FMR1NB: variants seen among roughly 807,000 people sequenced by gnomAD.
The protein encoded by FMR1NB is FMR1 neighbor, also known as FMR1 neighbor protein.
A neutral mutation model predicts 16.8 loss-of-function variants in FMR1NB; 10 were observed. That is an observed-to-expected ratio of 0.60 (90% CI 0.37 to 1.01). The LOEUF is 1.01. Ranked by LOEUF, FMR1NB falls within the 50% of genes least tolerant of loss-of-function variation. The pLI is 0.01. For missense variants in FMR1NB, 205 were observed against 204.8 expected, an observed-to-expected ratio of 1.00 and a Z score of 0.00; for synonymous variants, 83 against 79.1, an observed-to-expected ratio of 1.05 and a Z score of -0.26.
chrX:147,990,223 C>G (rs888810512), intron 1 of FMR1NB, among the ~76,000 whole-genome samples: 3 of 111,096 alleles, frequency 2.7e-5, no homozygotes, highest in Admixed American at 1.9e-4. Flanking sequence ...TCTGTCACAG[C>G]TTCGCTTGGC....
intron 1 of FMR1NB, among the ~76,000 whole-genome samples, chrX:147,995,482 C>T (rs1557188078): frequency 9.0e-6 from 1 of 111,387 alleles, no homozygotes. Context: ...AGCCACATTG[C>T]CTTTCAAGTT....
At chrX:148,010,685 A>G (rs2044619305) in intron 4 of FMR1NB, among the ~76,000 whole-genome samples, 1 of 111,887 alleles carries the variant, frequency 8.9e-6, no homozygotes, top group Non-Finnish European at 1.9e-5. Context: ...GAAGCCAAAC[A>G]CAATTGTTTG....
At chrX:148,006,321 C>A (rs1005732119) in intron 2 of FMR1NB, among the ~76,000 whole-genome samples, 15 of 111,899 alleles carry the variant, frequency 1.3e-4, no homozygotes, top group African/African-American at 4.9e-4. Context: ...GGCTTAGTAA[C>A]GTTAAGCCGG....
intron 1 of FMR1NB, among the ~76,000 whole-genome samples, chrX:148,002,069 G>T (rs1042489015): frequency 2.1e-4 from 23 of 111,070 alleles, no homozygotes; most frequent in Admixed American, 1.9e-3. Flanking sequence ...TGCCTTTATA[G>T]AGGTAAAAAT....
chrX:148,018,824 G>C (rs946346075), intron 4 of FMR1NB, among the ~76,000 whole-genome samples: 1 of 111,724 alleles, frequency 9.0e-6, no homozygotes, highest in African/African-American at 3.3e-5. Context: ...ATTGACAAAT[G>C]GGATCTAATT....
At chrX:148,019,726 G>T (rs900576106) in intron 4 of FMR1NB, among the ~76,000 whole-genome samples, 1 of 112,071 alleles carries the variant, frequency 8.9e-6, no homozygotes, top group Admixed American at 9.4e-5. Context: ...AGAGGCTCTT[G>T]TTCTCTTCCT....
chrX:148,025,119 A>G (rs1346044903), intron 5 of FMR1NB, 106 bp downstream of exon 5: 6 of 909,968 alleles, frequency 6.6e-6, no homozygotes, highest in African/African-American at 2.0e-5. Context: ...TTTTAACCAC[A>G]CAAATGTTTG....
At chrX:148,025,224 T>A (rs1416859753) in intron 5 of FMR1NB, among the ~76,000 whole-genome samples, 1 of 111,183 alleles carries the variant, frequency 9.0e-6, no homozygotes, top group Admixed American at 9.6e-5. Flanking sequence ...TTGTTTTGAG[T>A]GCCACATTAT....
chrX:147,994,933 C>T (rs1394157035), intron 1 of FMR1NB, among the ~76,000 whole-genome samples: 1 of 111,924 alleles, frequency 8.9e-6, no homozygotes, highest in Non-Finnish European at 1.9e-5. Flanking sequence ...AATTATAACC[C>T]CAATACCTTA....
At chrX:148,004,626 A>T (rs1048362598) in intron 2 of FMR1NB, among the ~76,000 whole-genome samples, 1 of 112,176 alleles carries the variant, frequency 8.9e-6, no homozygotes, top group Admixed American at 9.5e-5. Flanking sequence ...TTCTTCCCCC[A>T]CATAATTGAA....
rs782646719 is a variant in FMR1NB at position 148,006,762 on chromosome X, A to G, written c.458A>G (p.Glu153Gly). 19 of 1,209,001 alleles carry G rather than the reference A, an allele frequency of 1.6e-5. No individual in the cohort carries two copies. The highest frequency in any genetic ancestry group is 2.0e-5 in the Non-Finnish European group (18 of 894,378). The stretch of plus-strand genomic sequence containing the variant: ...TGTAATGAGCTGCAAGATCTTAGTG[A>G]GAGTGAATGTTTGAGACACAAATGC... ...KPCNELQDLS[E>G]SECLRHKCCF... Residue 153 changes from glutamate (E) to glycine (G), a missense_variant, in exon 3 of 6, where the codon GAG becomes GGG. Physicochemically the swap from Glu to Gly is moderately conservative, Grantham distance 98. Coordinates refer to ENST00000370467, the MANE Select transcript of FMR1NB (RefSeq NM_152578.3).
At chrX:148,003,595 T>C (rs2044581581) in intron 2 of FMR1NB, among the ~76,000 whole-genome samples, 1 of 112,557 alleles carries the variant, frequency 8.9e-6, no homozygotes, top group South Asian at 3.7e-4. Context: ...ATAAAATACT[T>C]TTCCTTCGCA....
chrX:147,998,128 C>A (rs2044551751), intron 1 of FMR1NB, among the ~76,000 whole-genome samples: 1 of 112,578 alleles, frequency 8.9e-6, no homozygotes, highest in South Asian at 3.7e-4. Context: ...GATTATAAAT[C>A]ATTCTAGTAT....
At chrX:148,024,142 A>G (rs187013019) in intron 4 of FMR1NB, among the ~76,000 whole-genome samples, 251 of 112,206 alleles carry the variant, frequency 2.2e-3, no homozygotes, top group South Asian at 4.4e-3. Context: ...TAATGGAAAA[A>G]GCTTGTACTT....
chrX:148,002,095 TGATA>T (rs1201262427), intron 1 of FMR1NB, among the ~76,000 whole-genome samples: 3 of 111,160 alleles, frequency 2.7e-5, no homozygotes, highest in Non-Finnish European at 5.7e-5. Flanking sequence ...AGGAAGAGAT[TGATA>T]GATTTAATTA....
rs146167973 is a variant in FMR1NB, at chrX:148,015,825, G to C, written c.632+7114G>C. On this transcript the variant is annotated intron_variant, in intron 4 of 5. Transcript: ENST00000370467. ...CTCTAAATATCTATTAGGTCTATTT[G>C]GTGTACAGTGCAGATTAAGTCTGAT... Among the ~76,000 whole-genome samples the C allele has an allele frequency of 1.3e-3, 144 of 112,047 alleles. 2 individuals carry two copies. In the East Asian group the frequency reaches 0.038, roughly 30 times the overall value.
intron 4 of FMR1NB, among the ~76,000 whole-genome samples, chrX:148,011,550 G>C (rs1375217697): frequency 1.8e-5 from 2 of 110,683 alleles, no homozygotes; most frequent in African/African-American, 6.6e-5. Flanking sequence ...TACAATATAA[G>C]ACGAAAATAA....
At chrX:147,993,344 G>A (rs1450027527) in intron 1 of FMR1NB, among the ~76,000 whole-genome samples, 1 of 111,578 alleles carries the variant, frequency 9.0e-6, no homozygotes, top group Non-Finnish European at 1.9e-5. Flanking sequence ...GCAGTGAGCC[G>A]AGATGGCAGC....
At chrX:147,983,940 T>C (rs2044463602) in intron 1 of FMR1NB, among the ~76,000 whole-genome samples, 2 of 111,189 alleles carry the variant, frequency 1.8e-5, no homozygotes, top group Non-Finnish European at 3.8e-5. Flanking sequence ...CTTCATTCTT[T>C]GGCGTGTGGA....
Sources: allele counts gnomAD v4.1 joint callset (sites outside exome capture counted in the v4.1 genomes callset), GRCh38; gene constraint gnomAD v4.1.1; transcripts MANE v1.5; gene names NCBI Gene and HGNC (gene_info 2026-07-23, HGNC 2026-07-21).